DUSP11: variants seen among roughly 807,000 people sequenced by gnomAD.
DUSP11 encodes the protein RNA/RNP complex-1-interacting phosphatase.
DUSP11 carries 27 observed loss-of-function variants against 41.4 expected under a neutral mutation model. The ratio of observed to expected loss-of-function variants is 0.65; its 90% CI spans 0.48 to 0.90. The LOEUF (loss-of-function observed/expected upper bound fraction) is 0.90, where lower values mean the gene tolerates loss of function less well. Among genes scored for constraint, DUSP11 ranks in the 40% least tolerant of loss-of-function variants. DUSP11 has a pLI of 0.00. For missense variants in DUSP11, 465 were observed against 461.1 expected (o/e 1.01, Z -0.08); for synonymous variants, 188 against 159.3 (o/e 1.18, Z -1.35).
At chr2:73,773,477 C>G (rs1033332608) in intron 4 of DUSP11, 1 of 378,292 alleles carries the variant, frequency 2.6e-6, no homozygotes, top group Non-Finnish European at 5.1e-6. Context: ...GTTTTTTAAT[C>G]TTTTCTTCTA....
intron 2 of DUSP11, among the ~76,000 whole-genome samples, chr2:73,775,769 G>A (rs1050927602): frequency 6.7e-6 from 1 of 148,738 alleles, no homozygotes; most frequent in African/African-American, 2.5e-5. Flanking sequence ...CAGGAGAATG[G>A]CGTGAACCCG....
chr2:73,774,910 T>C lies in DUSP11; in HGVS notation c.450+3A>G. ...GTTCTTTTCATTGAAGGGTTCCACT[T>C]ACCTCTGGTTTATAATAGCGTTGAG... On this transcript the variant is annotated splice_donor_region_variant and intron_variant, in intron 3 of 8. Coordinates refer to ENST00000272444, the Ensembl canonical transcript of DUSP11. 1 of 1,555,104 alleles carries C rather than the reference T, an allele frequency of 6.4e-7. No individual in the cohort carries two copies. The highest frequency in any genetic ancestry group is 1.4e-5 in the African/African-American group (1 of 72,898).
At chr2:73,770,633 T>C (rs1325382647) in intron 4 of DUSP11, among the ~76,000 whole-genome samples, 1 of 152,208 alleles carries the variant, frequency 6.6e-6, no homozygotes, top group Non-Finnish European at 1.5e-5. Context: ...ATGTTATCTT[T>C]CTAAAACATA....
At chr2:73,770,514 CAA>C (rs1377404800) in intron 4 of DUSP11, among the ~76,000 whole-genome samples, 6 of 94,366 alleles carry the variant, frequency 6.4e-5, no homozygotes, top group Non-Finnish European at 6.6e-5. Flanking sequence ...GACTCCATCT[CAA>C]AAAAAAAAAA....
chr2:73,766,683 A>G, intron 7 of DUSP11, 89 bp from the exon 8 acceptor site: 1 of 1,432,538 alleles, frequency 7.0e-7, no homozygotes, highest in Non-Finnish European at 9.6e-7. Context: ...GAAAATAACA[A>G]TTTCTTCCTT....
chr2:73,778,045 A>C (rs1317713008), intron 2 of DUSP11, among the ~76,000 whole-genome samples: 1 of 151,906 alleles, frequency 6.6e-6, no homozygotes, highest in Non-Finnish European at 1.5e-5. Context: ...AAACATTTAT[A>C]TATTGAAATA....
chr2:73,769,061 A>T (rs1471670952), intron 5 of DUSP11: 2 of 500,160 alleles, frequency 4.0e-6, no homozygotes, highest in African/African-American at 3.9e-5. Flanking sequence ...ATACCATTCA[A>T]TAACATGTAT....
chr2:73,777,701 A>C (rs1041246003), intron 2 of DUSP11, among the ~76,000 whole-genome samples: 13 of 152,260 alleles, frequency 8.5e-5, no homozygotes, highest in Non-Finnish European at 1.6e-4. Flanking sequence ...ACAGTCCTAC[A>C]AATGTGTCCC....
intron 5 of DUSP11, chr2:73,768,537 G>C (rs1477310423): frequency 1.0e-6 from 1 of 985,114 alleles, no homozygotes; most frequent in Non-Finnish European, 1.2e-6. Context: ...ATTACCTCCG[G>C]GGCTATGAGA....
At position 73,770,330 on chromosome 2, in the gene DUSP11, T is replaced by C. The variant is rs184842908; in HGVS notation, c.575-1005A>G. Among the ~76,000 whole-genome samples, 3 of 151,416 alleles carry C rather than the reference T, an allele frequency of 2.0e-5. No individual in the cohort carries two copies. In the East Asian group the frequency reaches 5.8e-4, roughly 29 times the overall value. On this transcript the variant is annotated intron_variant, in intron 4 of 8. Coordinates refer to ENST00000272444, the Ensembl canonical transcript of DUSP11. ...AGGAGTTCGAGACCAGCCTGGCCAA[T>C]ATGGTGAAACCCCATCTCTACTAAA...
chr2:73,762,287 GAACAT>G (rs553291652), exon 9 of DUSP11: 293 of 156,038 alleles, frequency 1.9e-3, no homozygotes, highest in Non-Finnish European at 2.0e-3. Context: ...GTCAATAACA[GAACAT>G]AACAAAAACA....
intron 2 of DUSP11, 55 bp downstream of exon 2, chr2:73,778,246 G>A (rs1573186519): frequency 1.7e-6 from 2 of 1,200,320 alleles, no homozygotes; most frequent in Admixed American, 4.2e-5. Context: ...GGAGAGCAGT[G>A]TTCTGCATGG....
At chr2:73,773,723 G>C in intron 4 of DUSP11, 77 bp downstream of exon 4, 1 of 1,426,632 alleles carries the variant, frequency 7.0e-7, no homozygotes, top group South Asian at 1.4e-5. Flanking sequence ...TCTGAGGTTG[G>C]AACTATAAAA....
Position 73,780,072 on chromosome 2 carries a change from C to G in DUSP11, c.44G>C (p.Arg15Pro). 6 of 1,596,660 alleles carry G rather than the reference C, an allele frequency of 3.8e-6. No individual in the cohort carries two copies. Among genetic ancestry groups the G allele is most frequent in the East Asian group, 2.3e-5 (1 of 44,060 alleles). ...ATAAGACCCTAAACAGGAAAAGACT[C>G]GGCAGCCACCTACGCCGCGCTCCAG... Residue 15 changes from arginine to proline, a missense_variant, in exon 1 of 9, where the codon CGA (arginine) becomes CCA (proline). Arg to Pro is a moderately radical substitution (Grantham distance 103, BLOSUM62 -2). Transcript: ENST00000272444.
rs755916818 is a variant in DUSP11 at position 73,762,817 on chromosome 2, G to C, written c.978C>G (p.Leu326=). The C allele has an allele frequency of 3.1e-6, 5 of 1,609,538 alleles. No homozygotes were observed. In the South Asian group the frequency reaches 5.5e-5, roughly 18 times the overall value. The stretch of plus-strand genomic sequence containing the variant: ...CCTCTCCAGGGGGACCAGGAGGAGG[G>C]AGATGGTGTCTCTGGTAAACATGTG... The change falls in exon 9 of 9, where the codon CTC becomes CTG. Residue 326 remains leucine (L), a synonymous_variant. Transcript: ENST00000272444.
chr2:73,775,329 TGG>T (rs1307106997), intron 2 of DUSP11, among the ~76,000 whole-genome samples: 1 of 151,872 alleles, frequency 6.6e-6, no homozygotes, highest in Middle Eastern at 3.2e-3. Flanking sequence ...CAGCTCCAGG[TGG>T]AGTGCTTATC....
At chr2:73,773,538 T>C (rs753883316) in intron 4 of DUSP11, 1 of 384,754 alleles carries the variant, frequency 2.6e-6, no homozygotes, top group Admixed American at 4.1e-5. Context: ...TTTAATTTTA[T>C]ATATTTCTCA....
chr2:73,773,161 G>C (rs1411698659), intron 4 of DUSP11: 1 of 152,278 alleles, frequency 6.6e-6, no homozygotes, highest in Non-Finnish European at 1.5e-5. Flanking sequence ...TCTTAAAGCA[G>C]GAACAAGAAA....
intron 4 of DUSP11, among the ~76,000 whole-genome samples, chr2:73,769,948 C>T (rs1015715194): frequency 6.6e-6 from 1 of 152,054 alleles, no homozygotes; most frequent in African/African-American, 2.4e-5. Flanking sequence ...ATTTCTTAGT[C>T]CATCTTTTTA....
Sources: allele counts gnomAD v4.1 joint callset (sites outside exome capture counted in the v4.1 genomes callset), GRCh38; gene constraint gnomAD v4.1.1; transcripts MANE v1.5; gene names NCBI Gene and HGNC (gene_info 2026-07-23, HGNC 2026-07-21).